Variants in MOBP observed in about 807,000 individuals in gnomAD.
The protein encoded by MOBP is myelin-associated oligodendrocyte basic protein.
Under a neutral mutation model 15.0 loss-of-function variants are expected in MOBP, and 5 were observed. The ratio of observed to expected loss-of-function variants is 0.33; its 90% CI spans 0.17 to 0.70. The LOEUF (loss-of-function observed/expected upper bound fraction) is 0.70, where lower values mean the gene tolerates loss of function less well. MOBP is among the 30% of genes least tolerant of loss of function. The pLI, the probability that MOBP is intolerant of heterozygous loss-of-function variation, is 0.67. For synonymous variants in MOBP, 88 were observed against 99.0 expected, an observed-to-expected ratio of 0.89 and a Z score of 0.66; for missense variants, 188 against 257.8, an observed-to-expected ratio of 0.73 and a Z score of 1.85.
chr3:39,495,998 A>G (rs1035273465), intron 2 of MOBP, among the ~76,000 whole-genome samples: 2 of 151,894 alleles, frequency 1.3e-5, no homozygotes, highest in Non-Finnish European at 2.9e-5. Context: ...GTAAGAGAAC[A>G]CTACAGACAA....
intron 2 of MOBP, among the ~76,000 whole-genome samples, chr3:39,487,773 C>T (rs529993999): frequency 4.9e-4 from 75 of 152,130 alleles, no homozygotes; most frequent in African/African-American, 1.6e-3. Context: ...CTGCCCGCAT[C>T]GGCCTCCCAA....
intron 1 of MOBP, among the ~76,000 whole-genome samples, chr3:39,475,158 A>G (rs560110978): frequency 6.6e-6 from 1 of 152,270 alleles, no homozygotes; most frequent in East Asian, 1.9e-4. Context: ...AGTTATGTAT[A>G]GTGTCCTTCA....
At chr3:39,508,484 G>A (rs967951094) in intron 4 of MOBP, among the ~76,000 whole-genome samples, 4 of 151,388 alleles carry the variant, frequency 2.6e-5, no homozygotes, top group Non-Finnish European at 5.9e-5. Context: ...GTGGAATTAT[G>A]TAATATTATA....
chr3:39,517,209 G>A (rs754376809), downstream of MOBP, among the ~76,000 whole-genome samples: 23 of 152,128 alleles, frequency 1.5e-4, no homozygotes, highest in Non-Finnish European at 2.4e-4. Context: ...AGGGATGGTT[G>A]GGTAAGGGGA....
chr3:39,510,853 G>A (rs954530867), intron 4 of MOBP, among the ~76,000 whole-genome samples: 1 of 152,182 alleles, frequency 6.6e-6, no homozygotes, highest in Non-Finnish European at 1.5e-5. Flanking sequence ...ATTTTAACAA[G>A]ATTAAATTCT....
downstream of MOBP, chr3:39,528,860 A>G (rs991078475): frequency 2.0e-5 from 3 of 152,268 alleles, no homozygotes; most frequent in Non-Finnish European, 4.4e-5. Flanking sequence ...GCTTCTTCCC[A>G]TGAAAGCCAC....
intron 2 of MOBP, among the ~76,000 whole-genome samples, chr3:39,490,395 G>A (rs1228988423): frequency 6.6e-6 from 1 of 152,108 alleles, no homozygotes; most frequent in Non-Finnish European, 1.5e-5. Flanking sequence ...GTGAAATGGA[G>A]GCAAGGTTTA....
intron 2 of MOBP, among the ~76,000 whole-genome samples, chr3:39,495,669 C>T (rs961188128): frequency 6.9e-6 from 1 of 145,464 alleles, no homozygotes; most frequent in Non-Finnish European, 1.5e-5. Flanking sequence ...AGGAGGATTG[C>T]TTGAGCCCAG....
At chr3:39,473,254 G>A (rs1167320281) in intron 1 of MOBP, among the ~76,000 whole-genome samples, 1 of 152,198 alleles carries the variant, frequency 6.6e-6, no homozygotes, top group Non-Finnish European at 1.5e-5. Context: ...GTATGGTGAG[G>A]CCAACCAGAT....
intron 2 of MOBP, among the ~76,000 whole-genome samples, chr3:39,493,145 T>C (rs2042825570): frequency 6.6e-6 from 1 of 152,070 alleles, no homozygotes; most frequent in African/African-American, 2.4e-5. Flanking sequence ...GAAAAGATGA[T>C]AAAAAGAAAG....
intron 2 of MOBP, among the ~76,000 whole-genome samples, chr3:39,489,131 GT>G (rs1352238835): frequency 1.3e-5 from 2 of 152,166 alleles, no homozygotes; most frequent in African/African-American, 4.8e-5. Flanking sequence ...GTCTGTAACT[GT>G]TTCCTCCCTC....
chr3:39,502,252 C>T lies in MOBP; in HGVS notation c.183C>T (p.Ile61=), dbSNP rs1474938306. 4 of 1,614,176 alleles carry T rather than the reference C, an allele frequency of 2.5e-6. No homozygotes were observed. The highest frequency in any genetic ancestry group is 3.4e-6 in the Non-Finnish European group (4 of 1,180,046). The change falls in exon 3 of 4, where the codon ATC becomes ATT. Residue 61 remains isoleucine, a synonymous_variant. Coordinates refer to ENST00000684792, the MANE Select transcript of MOBP (RefSeq NM_001393704.1). The surrounding 1 kb of genome is among the most constrained non-coding windows in gnomAD (Gnocchi z 6.3). The part of the protein sequence containing the change: ...CFYQKKEEDW[I]CCACQKTRTS... The stretch of plus-strand genomic sequence containing the variant: ...ACCAGAAGAAAGAGGAGGACTGGAT[C>T]TGCTGCGCCTGCCAGAAGACCAGGT...
intron 2 of MOBP, among the ~76,000 whole-genome samples, chr3:39,489,686 T>TCCCA (rs1553617943): frequency 6.6e-6 from 1 of 150,432 alleles, no homozygotes; most frequent in Non-Finnish European, 1.5e-5. Context: ...GGTGTATTGT[T>TCCCA]CCCCGCCCAG....
downstream of MOBP, among the ~76,000 whole-genome samples, chr3:39,520,468 TAAG>T (rs1234459905): frequency 2.6e-5 from 4 of 151,978 alleles, no homozygotes; most frequent in African/African-American, 7.3e-5. Context: ...GGGGTCCTAA[TAAG>T]AGAATTTCTG....
intron 1 of MOBP, among the ~76,000 whole-genome samples, chr3:39,478,332 C>T (rs2042571273): frequency 6.6e-6 from 1 of 152,158 alleles, no homozygotes; most frequent in Non-Finnish European, 1.5e-5. Context: ...CAGTTACATA[C>T]TGTGCAGGTT....
downstream of MOBP, among the ~76,000 whole-genome samples, chr3:39,504,235 C>T (rs526303): frequency 5.9e-5 from 9 of 152,362 alleles, no homozygotes; most frequent in South Asian, 1.2e-3. Flanking sequence ...CTCTTAAGGA[C>T]CCTGAGTAGA....
downstream of MOBP, chr3:39,529,044 T>C (rs913586236): frequency 1.3e-5 from 2 of 152,258 alleles, no homozygotes; most frequent in Non-Finnish European, 2.9e-5. Flanking sequence ...TCAGCTTCTC[T>C]ACCCTCAGCA....
intron 2 of MOBP, among the ~76,000 whole-genome samples, chr3:39,486,474 G>C (rs2042712166): frequency 6.6e-6 from 1 of 151,958 alleles, no homozygotes; most frequent in Admixed American, 6.6e-5. Context: ...CCTGTGTTGT[G>C]ATCCATGCTA....
intron 2 of MOBP, among the ~76,000 whole-genome samples, chr3:39,484,841 G>A (rs1575293226): frequency 6.6e-6 from 1 of 152,316 alleles, no homozygotes; most frequent in Non-Finnish European, 1.5e-5. Flanking sequence ...TTGTTCATCA[G>A]AAAGGACTTT....
Sources: allele counts gnomAD v4.1 joint callset (sites outside exome capture counted in the v4.1 genomes callset), GRCh38; gene constraint gnomAD v4.1.1; non-coding constraint Gnocchi (gnomAD v3.1); transcripts MANE v1.5; gene names NCBI Gene and HGNC (gene_info 2026-07-23, HGNC 2026-07-21).